The following VANGL2 variants were observed in gnomAD, a reference collection of about 807,000 sequenced individuals.
VANGL2 encodes the protein VANGL planar cell polarity protein 2.
A neutral mutation model predicts 50.2 loss-of-function variants in VANGL2; 14 were observed. The ratio of observed to expected loss-of-function variants is 0.28; its 90% CI spans 0.18 to 0.44. VANGL2 has a LOEUF of 0.44. VANGL2 is among the 20% of genes least tolerant of loss of function. VANGL2 has a pLI of 1.00. For synonymous variants in VANGL2, 295 were observed against 297.2 expected, an observed-to-expected ratio of 0.99 and a Z score of 0.08; for missense variants, 533 against 701.5, an observed-to-expected ratio of 0.76 and a Z score of 2.71.
chr1:160,408,560 A>C (rs2101950676), intron 1 of VANGL2, among the ~76,000 whole-genome samples: 1 of 152,250 alleles, frequency 6.6e-6, no homozygotes, highest in East Asian at 1.9e-4. Context: ...AAGCATGGCC[A>C]GGATCCCACC....
At chr1:160,423,240 TC>T (rs1224108543) in intron 6 of VANGL2, among the ~76,000 whole-genome samples, 2 of 152,150 alleles carry the variant, frequency 1.3e-5, no homozygotes, top group African/African-American at 4.8e-5. Flanking sequence ...GATTTTTTTT[TC>T]CTGCTTCCTC....
At chr1:160,405,521 T>C (rs1650622963) in intron 1 of VANGL2, among the ~76,000 whole-genome samples, 1 of 152,152 alleles carries the variant, frequency 6.6e-6, no homozygotes. Context: ...CGGATGCCCC[T>C]GGCAAGATTG....
chr1:160,404,384 C>T (rs114790289), intron 1 of VANGL2, among the ~76,000 whole-genome samples: 1 of 152,084 alleles, frequency 6.6e-6, no homozygotes, highest in African/African-American at 2.4e-5. Flanking sequence ...GCAGGAGATG[C>T]CCTGTTAGCT....
At chr1:160,416,270 G>A in intron 3 of VANGL2, 88 bp downstream of exon 3, 1 of 1,604,566 alleles carries the variant, frequency 6.2e-7, no homozygotes, top group Non-Finnish European at 8.5e-7. Flanking sequence ...GGGAGGGCTT[G>A]GAAACCTGGT....
At chr1:160,424,382 C>T (rs543546666) in intron 7 of VANGL2, 99 bp downstream of exon 7, 291 of 1,171,362 alleles carry the variant, frequency 2.5e-4, no homozygotes, top group Middle Eastern at 1.1e-3. Flanking sequence ...CCTCACTGTC[C>T]ACCTCATTTC....
chr1:160,416,106 G>A lies in VANGL2; in HGVS notation c.116G>A (p.Arg39Gln), dbSNP rs776707378. Residue 39 changes from arginine to glutamine, a missense_variant, in exon 3 of 8, where the codon CGA becomes CAA. By Grantham distance (43) the Arg-to-Gln change is conservative. Coordinates refer to ENST00000368061, the MANE Select transcript of VANGL2 (RefSeq NM_020335.3). ...CGCTCTAAGAGTCGAGATGGGGGCC[G>A]AGGGGACAAGTCGGTGACAATCCAG... ...RHRSKSRDGGRGDKSVTIQAP... is the reference protein window; with the variant it reads ...RHRSKSRDGGQGDKSVTIQAP... The A allele has an allele frequency of 9.9e-6, 16 of 1,614,218 alleles. No individual in the cohort carries two copies. The highest frequency in any genetic ancestry group is 1.7e-5 in the Admixed American group (1 of 60,030).
intron 1 of VANGL2, among the ~76,000 whole-genome samples, chr1:160,406,342 A>C (rs547260104): frequency 1.3e-5 from 2 of 152,306 alleles, no homozygotes; most frequent in African/African-American, 4.8e-5. Context: ...AGCAAACATG[A>C]GTCCAGTGTC....
At chr1:160,401,556 T>C (rs1650464437) in intron 1 of VANGL2, among the ~76,000 whole-genome samples, 1 of 152,044 alleles carries the variant, frequency 6.6e-6, no homozygotes, top group African/African-American at 2.4e-5. Flanking sequence ...CATGATTCTT[T>C]GTTTTGGTGT....
intron 1 of VANGL2, among the ~76,000 whole-genome samples, chr1:160,405,752 G>T (rs1419498235): frequency 1.3e-5 from 2 of 152,124 alleles, no homozygotes; most frequent in Non-Finnish European, 1.5e-5. Flanking sequence ...TGGAACCCAG[G>T]TCTGCTTTAC....
chr1:160,404,168 A>G (rs938031400), intron 1 of VANGL2, among the ~76,000 whole-genome samples: 3 of 152,178 alleles, frequency 2.0e-5, no homozygotes, highest in Non-Finnish European at 4.4e-5. Flanking sequence ...TTGGCCGACC[A>G]CATTAGGCAC....
chr1:160,417,803 A>AG (rs1467560708), intron 3 of VANGL2, among the ~76,000 whole-genome samples: 2 of 151,994 alleles, frequency 1.3e-5, no homozygotes, highest in Non-Finnish European at 2.9e-5. Flanking sequence ...CTGCTCTCAT[A>AG]GCCCTTGGGT....
chr1:160,422,481 C>G (rs146667807), intron 6 of VANGL2, among the ~76,000 whole-genome samples: 2 of 152,226 alleles, frequency 1.3e-5, no homozygotes, highest in Non-Finnish European at 2.9e-5. Flanking sequence ...GTAGGGGAAG[C>G]AAGAGAATAA....
At chr1:160,402,263 T>C (rs1435881144) in intron 1 of VANGL2, among the ~76,000 whole-genome samples, 1 of 152,126 alleles carries the variant, frequency 6.6e-6, no homozygotes, top group African/African-American at 2.4e-5. Flanking sequence ...TCCCCCATCG[T>C]CATAGGCTGG....
At chr1:160,403,006 A>G (rs191624048) in intron 1 of VANGL2, among the ~76,000 whole-genome samples, 2 of 152,212 alleles carry the variant, frequency 1.3e-5, no homozygotes, top group East Asian at 3.9e-4. Context: ...TCTAATGGGC[A>G]TGTGCAATTG....
rs1651092774 is a variant in VANGL2, at chr1:160,417,214, C to T, written c.192+1032C>T. 2.6e-5 allele frequency among the ~76,000 whole-genome samples: 4 copies of T among 152,190 alleles called. No individual in the cohort carries two copies. In the South Asian group the frequency reaches 6.2e-4, roughly 24 times the overall value. On this transcript the variant is annotated intron_variant, in intron 3 of 7. Transcript: ENST00000368061. ...CTGCTTTCTATCTTCACATCAGACT[C>T]GTTCCCCATCCTGTAGAGAGGAGGT...
intron 3 of VANGL2, 32 bp from the exon 4 acceptor site, chr1:160,418,970 T>A (rs760313590): frequency 3.8e-6 from 6 of 1,590,894 alleles, no homozygotes; most frequent in Non-Finnish European, 5.1e-6. Flanking sequence ...CCTTTCCTCC[T>A]TATTGTGTGG....
intron 1 of VANGL2, 58 bp from the exon 2 acceptor site, chr1:160,415,590 C>T: frequency 1.8e-6 from 1 of 551,548 alleles, no homozygotes; most frequent in Non-Finnish European, 3.3e-6. Context: ...TGGTCTTCCT[C>T]TGCCCTGACC....
At chr1:160,418,474 G>A (rs1651137821) in intron 3 of VANGL2, among the ~76,000 whole-genome samples, 1 of 150,302 alleles carries the variant, frequency 6.7e-6, no homozygotes, top group Non-Finnish European at 1.5e-5. Context: ...TTTTTTTAAA[G>A]GTTCACAAGC....
rs1040145327 is a variant in VANGL2 at position 160,426,206 on chromosome 1, C to T, written c.*828C>T. On this transcript the variant is annotated 3_prime_UTR_variant, in exon 8 of 8. Transcript: ENST00000368061. ...TTGGAGAGACCCCCATCACTGACTCCTGCTCCCTAACCCTACCCTCACTTT... is the reference window on the plus strand; with the variant it reads ...TTGGAGAGACCCCCATCACTGACTCTTGCTCCCTAACCCTACCCTCACTTT... The T allele has an allele frequency of 6.6e-6, 1 of 152,666 alleles. No homozygotes were observed. The highest frequency in any genetic ancestry group is 1.5e-5 in the Non-Finnish European group (1 of 68,272). 9.5% of individuals were successfully genotyped at this position (152,666 alleles called of 1,614,324 possible).
Sources: gnomAD v4.1 joint callset for allele counts (sites outside exome capture counted in the v4.1 genomes callset) on GRCh38, gnomAD v4.1.1 for gene constraint, MANE v1.5 for transcripts, NCBI Gene and HGNC (gene_info 2026-07-23, HGNC 2026-07-21) for gene names.